Variants in INPP4B observed in about 807,000 individuals in gnomAD.
INPP4B encodes inositol polyphosphate 4-phosphatase type II.
INPP4B carries 55 observed loss-of-function variants against 122.5 expected under a neutral mutation model. The ratio of observed to expected loss-of-function variants is 0.45; its 90% CI spans 0.36 to 0.56. The LOEUF (loss-of-function observed/expected upper bound fraction) is 0.56, where lower values mean the gene tolerates loss of function less well. Ranked by LOEUF, INPP4B falls within the 20% of genes least tolerant of loss-of-function variation. The pLI, the probability that INPP4B is intolerant of heterozygous loss-of-function variation, is 0.00. For synonymous variants in INPP4B, 403 were observed against 388.7 expected, an observed-to-expected ratio of 1.04 and a Z score of -0.43; for missense variants, 1,000 against 1,097.7, an observed-to-expected ratio of 0.91 and a Z score of 1.26.
chr4:142,633,057 T>G (rs963596891), intron 2 of INPP4B, among the ~76,000 whole-genome samples: 4 of 152,058 alleles, frequency 2.6e-5, no homozygotes, highest in African/African-American at 9.6e-5. Flanking sequence ...AAGGGAAATA[T>G]ATATGTGATG....
chr4:142,511,648 C>G lies in INPP4B; in HGVS notation c.-190-48922G>C, dbSNP rs79787977. On this transcript the variant is annotated intron_variant, in intron 2 of 25. Coordinates refer to ENST00000262992, the MANE Select transcript of INPP4B (RefSeq NM_001101669.3). ...AACACTCCAATCCCCAGACTGCCCC[C>G]CAGATCAACTAAATCAGAATACTTA... Among the ~76,000 whole-genome samples the G allele has an allele frequency of 7.0e-3, 1,064 of 152,262 alleles. 14 individuals are homozygous for G. Among genetic ancestry groups the G allele is most frequent in the African/African-American group, 0.024 (1,008 of 41,566 alleles).
chr4:142,179,885 A>T (rs1307023780), intron 15 of INPP4B, among the ~76,000 whole-genome samples: 18 of 152,080 alleles, frequency 1.2e-4, no homozygotes, highest in Non-Finnish European at 1.8e-4. Flanking sequence ...AGTCAGTTCT[A>T]TTTCTGCCTA....
At chr4:142,452,989 C>A (rs937155496) in intron 3 of INPP4B, among the ~76,000 whole-genome samples, 1 of 152,124 alleles carries the variant, frequency 6.6e-6, no homozygotes, top group Non-Finnish European at 1.5e-5. Context: ...TCTCTGACAT[C>A]TTCTGGAAAT....
At chr4:142,606,316 A>G (rs1265364839) in intron 2 of INPP4B, among the ~76,000 whole-genome samples, 3 of 151,922 alleles carry the variant, frequency 2.0e-5, no homozygotes, top group Non-Finnish European at 4.4e-5. Flanking sequence ...AGATAGAAGA[A>G]ATAAGTTCAA....
At chr4:142,618,300 A>T (rs1199883699) in intron 2 of INPP4B, among the ~76,000 whole-genome samples, 1 of 152,128 alleles carries the variant, frequency 6.6e-6, no homozygotes, top group Admixed American at 6.6e-5. Context: ...AGAACAAAGC[A>T]GGAGAAATCA....
chr4:142,097,220 TG>T (rs200191017), intron 23 of INPP4B, among the ~76,000 whole-genome samples: 1 of 14,612 alleles, frequency 6.8e-5, no homozygotes. Context: ...GTTTATTTTA[TG>T]TTATTTTTAT....
Position 142,082,178 on chromosome 4 carries a change from C to A in INPP4B, c.2495G>T (p.Arg832Leu). The A allele has an allele frequency of 1.3e-6, 2 of 1,508,230 alleles. No individual in the cohort carries two copies. The highest frequency in any genetic ancestry group is 1.3e-5 in the South Asian group (1 of 75,270). The allele number at this position is 1,508,230 out of a possible 1,614,324, so 93.4% of individuals were successfully genotyped here. ...GGTGAAACGAATACCATTCAGTTTG[C>A]GGCAAATCTGTAACATATGTAAGAA... is the stretch of plus-strand genomic sequence containing the variant. ...EIMWLAATIC[R>L]KLNGIRFTCC... Residue 832 changes from arginine (R) to leucine (L), a missense_variant, in exon 25 of 26, where the codon CGC becomes CTC. Coordinates refer to ENST00000262992, the MANE Select transcript of INPP4B (RefSeq NM_001101669.3).
At chr4:142,320,653 C>A (rs1769651480) in intron 7 of INPP4B, among the ~76,000 whole-genome samples, 1 of 152,118 alleles carries the variant, frequency 6.6e-6, no homozygotes, top group Non-Finnish European at 1.5e-5. Context: ...CACCCCACTC[C>A]CACCCTTCCC....
intron 12 of INPP4B, among the ~76,000 whole-genome samples, chr4:142,215,438 C>A (rs568095158): frequency 1.4e-4 from 21 of 152,258 alleles, no homozygotes; most frequent in African/African-American, 4.8e-4. Flanking sequence ...AAAAACTAAA[C>A]CTGAACAAAA....
chr4:142,116,710 G>A lies in INPP4B; in HGVS notation c.2136-4028C>T, dbSNP rs182337872. 5.3e-4 allele frequency among the ~76,000 whole-genome samples: 81 copies of A among 152,224 alleles called. 1 individual carries two copies. Among genetic ancestry groups the A allele is most frequent in the African/African-American group, 1.9e-3 (77 of 41,544 alleles). Reference sequence around the variant, plus strand: ...AACAAATGCCCAAAAGAGAAAGCAGGAAAGGTCTAAAATTGACACCCTAAC... The same window carrying A: ...AACAAATGCCCAAAAGAGAAAGCAGAAAAGGTCTAAAATTGACACCCTAAC... On this transcript the variant is annotated intron_variant, in intron 21 of 25. Coordinates refer to ENST00000262992, the MANE Select transcript of INPP4B (RefSeq NM_001101669.3).
intron 2 of INPP4B, among the ~76,000 whole-genome samples, chr4:142,590,230 T>C (rs1737131430): frequency 6.6e-6 from 1 of 152,114 alleles, no homozygotes; most frequent in South Asian, 2.1e-4. Flanking sequence ...CCCATAAAAA[T>C]TCACAGCACA....
At chr4:142,702,730 C>CAAAA (rs35472471) in intron 2 of INPP4B, among the ~76,000 whole-genome samples, 63 of 64,282 alleles carry the variant, frequency 9.8e-4, no homozygotes, top group East Asian at 1.5e-3. Flanking sequence ...AACTCCGTCT[C>CAAAA]AAAAAAAAAA....
At chr4:142,835,122 C>A (rs183516199) in intron 1 of INPP4B, among the ~76,000 whole-genome samples, 2 of 152,248 alleles carry the variant, frequency 1.3e-5, no homozygotes, top group Non-Finnish European at 2.9e-5. Context: ...GCTTATAGCT[C>A]GCATATAATT....
chr4:142,209,163 T>A, intron 12 of INPP4B, 137 bp from the exon 13 acceptor site: 1 of 484,750 alleles, frequency 2.1e-6, no homozygotes, highest in Non-Finnish European at 3.4e-6. Context: ...CTTATTAGCT[T>A]AAATATTTTT....
chr4:142,150,474 G>A (rs1813281169), intron 17 of INPP4B, among the ~76,000 whole-genome samples: 1 of 152,184 alleles, frequency 6.6e-6, no homozygotes, highest in African/African-American at 2.4e-5. Flanking sequence ...GCAGGTTAAA[G>A]TCTAATCTTT....
intron 2 of INPP4B, among the ~76,000 whole-genome samples, chr4:142,551,767 A>G (rs533734508): frequency 6.6e-6 from 1 of 152,232 alleles, no homozygotes; most frequent in Non-Finnish European, 1.5e-5. Context: ...TATGGCCAAC[A>G]GAATGTCAAT....
At chr4:142,696,561 CT>C (rs1374044777) in intron 2 of INPP4B, among the ~76,000 whole-genome samples, 4 of 152,324 alleles carry the variant, frequency 2.6e-5, no homozygotes, top group Non-Finnish European at 5.9e-5. Flanking sequence ...GCTTGCCCAA[CT>C]TTGTTGCTTA....
intron 25 of INPP4B, among the ~76,000 whole-genome samples, chr4:142,042,561 T>TG (rs1301807070): frequency 0.011 from 361 of 33,104 alleles, 1 homozygote; most frequent in Middle Eastern, 0.05. Flanking sequence ...TATGTATGTA[T>TG]TTATTTATTT....
chr4:142,542,925 C>T (rs576641589), intron 2 of INPP4B, among the ~76,000 whole-genome samples: 16 of 151,958 alleles, frequency 1.1e-4, no homozygotes, highest in Middle Eastern at 3.4e-3. Context: ...CAACATCAAC[C>T]GGTTTGATCA....
Sources: allele counts gnomAD v4.1 joint callset (sites outside exome capture counted in the v4.1 genomes callset), GRCh38; gene constraint gnomAD v4.1.1; transcripts MANE v1.5; gene names NCBI Gene and HGNC (gene_info 2026-07-23, HGNC 2026-07-21).